KCNMB2: variants seen among roughly 807,000 people sequenced by gnomAD.
KCNMB2 encodes calcium-activated potassium channel subunit beta-2.
Under a neutral mutation model 24.5 loss-of-function variants are expected in KCNMB2, and 9 were observed. The observed-to-expected ratio is 0.37, with a 90% CI of 0.22 to 0.64. The LOEUF is 0.64. Ranked by LOEUF, KCNMB2 falls within the 30% of genes least tolerant of loss-of-function variation. The pLI is 0.63. For synonymous variants in KCNMB2, 109 were observed against 104.4 expected, an observed-to-expected ratio of 1.04 and a Z score of -0.27; for missense variants, 226 against 284.3, an observed-to-expected ratio of 0.79 and a Z score of 1.47.
intron 1 of KCNMB2, among the ~76,000 whole-genome samples, chr3:178,565,710 A>C (rs1215853211): frequency 6.6e-6 from 1 of 152,190 alleles, no homozygotes; most frequent in Non-Finnish European, 1.5e-5. Context: ...CTACCAATGC[A>C]TTTATATCTC....
intron 1 of KCNMB2, among the ~76,000 whole-genome samples, chr3:178,771,414 T>C (rs1385127950): frequency 6.6e-6 from 1 of 151,924 alleles, no homozygotes; most frequent in Non-Finnish European, 1.5e-5. Flanking sequence ...GTCCTGGACA[T>C]TGCCTACAGG....
intron 1 of KCNMB2, among the ~76,000 whole-genome samples, chr3:178,677,938 G>T (rs1315966394): frequency 1.3e-5 from 2 of 152,118 alleles, no homozygotes; most frequent in African/African-American, 4.8e-5. Context: ...CTCACTTTGG[G>T]GTAGAGACTT....
At chr3:178,560,994 T>G (rs1309964107) in intron 1 of KCNMB2, among the ~76,000 whole-genome samples, 1 of 152,194 alleles carries the variant, frequency 6.6e-6, no homozygotes, top group Non-Finnish European at 1.5e-5. Flanking sequence ...AGAGTATCAG[T>G]TATCTGAGGC....
chr3:178,762,090 G>A (rs952470738), intron 1 of KCNMB2, among the ~76,000 whole-genome samples: 1 of 152,180 alleles, frequency 6.6e-6, no homozygotes, highest in African/African-American at 2.4e-5. Flanking sequence ...AGAATCACTT[G>A]AACCCGGGAG....
chr3:178,592,653 T>A (rs1289326336), intron 1 of KCNMB2, among the ~76,000 whole-genome samples: 1 of 152,166 alleles, frequency 6.6e-6, no homozygotes, highest in Non-Finnish European at 1.5e-5. Flanking sequence ...GGTTATACTA[T>A]TGTCTTTTTA....
intron 1 of KCNMB2, among the ~76,000 whole-genome samples, chr3:178,671,313 C>G (rs1720890440): frequency 6.6e-6 from 1 of 152,136 alleles, no homozygotes; most frequent in African/African-American, 2.4e-5. Flanking sequence ...AGAAAAACCA[C>G]TTTTCAGTTG....
chr3:178,596,688 C>T (rs1194346079), intron 1 of KCNMB2, among the ~76,000 whole-genome samples: 1 of 152,048 alleles, frequency 6.6e-6, no homozygotes, highest in African/African-American at 2.4e-5. Context: ...CCCACATTCC[C>T]ACCAACCCCC....
chr3:178,693,828 C>G (rs377195919), intron 1 of KCNMB2, among the ~76,000 whole-genome samples: 10 of 151,568 alleles, frequency 6.6e-5, no homozygotes, highest in African/African-American at 2.2e-4. Flanking sequence ...TGTACCAGCT[C>G]TTCTTTGTAC....
At chr3:178,606,473 CTTTTT>C (rs56897838) in intron 1 of KCNMB2, among the ~76,000 whole-genome samples, 1 of 138,992 alleles carries the variant, frequency 7.2e-6, no homozygotes, top group Non-Finnish European at 1.6e-5. Flanking sequence ...TTTCCTATTT[CTTTTT>C]TTTTTTTTTT....
At chr3:178,556,601 T>G (rs961906433) in intron 1 of KCNMB2, among the ~76,000 whole-genome samples, 22 of 152,248 alleles carry the variant, frequency 1.4e-4, no homozygotes, top group African/African-American at 5.3e-4. Flanking sequence ...GAGATGGGGT[T>G]TCACCATGTT....
chr3:178,661,062 C>T (rs1171351156), intron 1 of KCNMB2, among the ~76,000 whole-genome samples: 1 of 151,892 alleles, frequency 6.6e-6, no homozygotes, highest in Non-Finnish European at 1.5e-5. Flanking sequence ...TAGGTATACA[C>T]GTGTCATGGT....
At chr3:178,622,964 T>G (rs757482137) in intron 1 of KCNMB2, among the ~76,000 whole-genome samples, 2 of 151,962 alleles carry the variant, frequency 1.3e-5, no homozygotes, top group Non-Finnish European at 2.9e-5. Context: ...AATACAAGAG[T>G]AGTTTGTTTG....
intron 1 of KCNMB2, among the ~76,000 whole-genome samples, chr3:178,771,774 G>T (rs893350611): frequency 6.6e-6 from 1 of 152,014 alleles, no homozygotes; most frequent in Non-Finnish European, 1.5e-5. Context: ...GCCTTGAATG[G>T]GAAATCTACT....
At chr3:178,757,240 A>T (rs1724097740) in intron 1 of KCNMB2, 1 of 145,938 alleles carries the variant, frequency 6.9e-6, no homozygotes, top group South Asian at 2.1e-4. Flanking sequence ...TGGTACACAC[A>T]TACACACATA....
chr3:178,822,146 T>C (rs9828010), intron 2 of KCNMB2, among the ~76,000 whole-genome samples: 39,807 of 152,102 alleles, frequency 0.26, 7,038 homozygotes, highest in African/African-American at 0.51. Context: ...CCCTGTCCCA[T>C]AGGCATCTCA....
At chr3:178,613,120 G>A (rs1718553908) in intron 1 of KCNMB2, among the ~76,000 whole-genome samples, 1 of 152,188 alleles carries the variant, frequency 6.6e-6, no homozygotes, top group Non-Finnish European at 1.5e-5. Context: ...TTGTTAGGCT[G>A]AGAGCAGTGG....
At chr3:178,691,240 T>G (rs908250365) in intron 1 of KCNMB2, among the ~76,000 whole-genome samples, 17 of 149,946 alleles carry the variant, frequency 1.1e-4, no homozygotes, top group Non-Finnish European at 2.1e-4. Context: ...GAGCCACACC[T>G]GGCTTTTTAA....
chr3:178,829,857 T>C (rs1376147181), intron 4 of KCNMB2, among the ~76,000 whole-genome samples: 9 of 152,222 alleles, frequency 5.9e-5, no homozygotes, highest in Non-Finnish European at 1.0e-4. Context: ...AGCATAATAC[T>C]AGGTCATCAT....
intron 1 of KCNMB2, among the ~76,000 whole-genome samples, chr3:178,634,236 C>T (rs879368937): frequency 5.3e-5 from 8 of 152,188 alleles, no homozygotes; most frequent in Non-Finnish European, 7.3e-5. Flanking sequence ...GTCACTTTCA[C>T]ATTTTTGGGT....
Sources: gnomAD v4.1 joint callset for allele counts (sites outside exome capture counted in the v4.1 genomes callset) on GRCh38, gnomAD v4.1.1 for gene constraint, MANE v1.5 for transcripts, NCBI Gene and HGNC (gene_info 2026-07-23, HGNC 2026-07-21) for gene names.